The following HTN3 variants were observed in gnomAD, a reference collection of about 807,000 sequenced individuals.
The protein encoded by HTN3 is histatin 3.
HTN3 carries 15 observed loss-of-function variants against 10.6 expected under a neutral mutation model. That is an observed-to-expected ratio of 1.42 (90% confidence interval 0.95 to 2.18). The LOEUF (loss-of-function observed/expected upper bound fraction) is 2.18. HTN3 is among the 30% of genes most tolerant of loss of function. The pLI, the probability that HTN3 is intolerant of heterozygous loss-of-function variation, is 0.00. For synonymous variants in HTN3, 15 were observed against 16.9 expected, an observed-to-expected ratio of 0.89 and a Z score of 0.27; for missense variants, 68 against 58.0, an observed-to-expected ratio of 1.17 and a Z score of -0.56.
chr4:70,034,964 C>T (rs1725478727), intron 5 of HTN3, among the ~76,000 whole-genome samples: 1 of 152,122 alleles, frequency 6.6e-6, no homozygotes, highest in African/African-American at 2.4e-5. Context: ...AACCAAACAG[C>T]ACATGCTTCA....
chr4:70,031,947 T>G (rs753481341), intron 2 of HTN3, 32 bp from the exon 3 acceptor site: 1 of 1,417,288 alleles, frequency 7.1e-7, no homozygotes, highest in Non-Finnish European at 9.9e-7. Context: ...AATTAAGATA[T>G]TAATTATTTT....
At chr4:70,035,457 A>C (rs1489272330) in intron 5 of HTN3, among the ~76,000 whole-genome samples, 3 of 152,170 alleles carry the variant, frequency 2.0e-5, no homozygotes, top group African/African-American at 7.2e-5. Flanking sequence ...TCTGCCACTA[A>C]ATCTGTACCT....
intron 5 of HTN3, among the ~76,000 whole-genome samples, chr4:70,034,639 A>G (rs1186796098): frequency 6.6e-6 from 1 of 151,866 alleles, no homozygotes; most frequent in South Asian, 2.1e-4. Flanking sequence ...GTGGAAAACT[A>G]TGGATTCCTC....
At chr4:70,034,606 G>C (rs1211287903) in intron 5 of HTN3, among the ~76,000 whole-genome samples, 1 of 152,196 alleles carries the variant, frequency 6.6e-6, no homozygotes, top group African/African-American at 2.4e-5. Context: ...CTGGTGGTGA[G>C]AATGCACATT....
At chr4:70,029,083 A>G (rs1167342692) in intron 1 of HTN3, among the ~76,000 whole-genome samples, 1 of 152,030 alleles carries the variant, frequency 6.6e-6, no homozygotes, top group Non-Finnish European at 1.5e-5. Flanking sequence ...CAGAAAAGAC[A>G]GTTTATTATT....
intron 5 of HTN3, chr4:70,033,481 G>T (rs1476065869): frequency 8.7e-6 from 3 of 344,750 alleles, no homozygotes; most frequent in Non-Finnish European, 1.6e-5. Context: ...TGTCTGTTTT[G>T]GTACCGGTAC....
intron 5 of HTN3, chr4:70,034,370 A>T (rs896745235): frequency 2.0e-5 from 3 of 152,180 alleles, no homozygotes; most frequent in African/African-American, 7.2e-5. Flanking sequence ...AGACAAAAAC[A>T]AAAAACCCGT....
chr4:70,035,738 T>C (rs573590810), intron 5 of HTN3, among the ~76,000 whole-genome samples: 17 of 152,168 alleles, frequency 1.1e-4, no homozygotes, highest in Non-Finnish European at 2.5e-4. Context: ...AATATTATAC[T>C]TCAAAATAAA....
At chr4:70,034,116 C>T (rs760118408) in intron 5 of HTN3, 4 of 151,852 alleles carry the variant, frequency 2.6e-5, no homozygotes, top group African/African-American at 4.8e-5. Flanking sequence ...AGAAGAAAAC[C>T]TAGGTGATAT....
At chr4:70,034,335 T>A (rs1725457371) in intron 5 of HTN3, 2 of 152,134 alleles carry the variant, frequency 1.3e-5, no homozygotes, top group African/African-American at 4.8e-5. Flanking sequence ...GTCCAGAGTC[T>A]ACAAGGAACT....
chr4:70,033,919 G>A (rs1189625687), intron 5 of HTN3: 1 of 151,916 alleles, frequency 6.6e-6, no homozygotes, highest in African/African-American at 2.4e-5. Context: ...CTTGCTATCT[G>A]ATCTACGACA....
chr4:70,030,609 C>A (rs1725360992), intron 1 of HTN3, 119 bp from the exon 2 acceptor site: 8 of 737,738 alleles, frequency 1.1e-5, no homozygotes, highest in Non-Finnish European at 1.9e-5. Flanking sequence ...CCCCTGCACT[C>A]CAGCCTGGAA....
At chr4:70,033,067 C>T (rs745792817) in intron 4 of HTN3, 100 bp from the exon 5 acceptor site, 13 of 805,808 alleles carry the variant, frequency 1.6e-5, no homozygotes, top group Admixed American at 4.8e-5. Flanking sequence ...GTCATAACAA[C>T]TTTAACAATC....
Position 70,033,237 on chromosome 4 carries a change from G to T in HTN3, c.*17G>T, listed in dbSNP as rs778068627. The T allele has an allele frequency of 4.0e-6, 6 of 1,485,222 alleles. No homozygotes were observed. The highest frequency in any genetic ancestry group is 5.6e-6 in the Non-Finnish European group (6 of 1,070,306). 92.0% of individuals were successfully genotyped at this position (1,485,222 alleles called of 1,614,324 possible). A position where few individuals can be genotyped will look rare whatever the true frequency, so the allele number is the denominator to read the frequency against. On this transcript the variant is annotated 3_prime_UTR_variant, in exon 5 of 6. Transcript: ENST00000673563. ...GACAATTGATATCTTCAGTAATCAC[G>T]GGGCATGATTATGGAGGTAAGCTGA...
chr4:70,033,455 G>A (rs1725436434), intron 5 of HTN3: 3 of 415,440 alleles, frequency 7.2e-6, no homozygotes, highest in Admixed American at 9.0e-5. Flanking sequence ...TCTCTGTTCT[G>A]TTCCATTGGT....
chr4:70,034,949 C>G (rs769001062), intron 5 of HTN3, among the ~76,000 whole-genome samples: 2 of 152,064 alleles, frequency 1.3e-5, no homozygotes, highest in Non-Finnish European at 1.5e-5. Context: ...AAAACAGGAA[C>G]AGAAAACCAA....
chr4:70,033,302 G>T (rs1725432876), intron 5 of HTN3, 49 bp downstream of exon 5: 2 of 839,362 alleles, frequency 2.4e-6, no homozygotes, highest in Non-Finnish European at 3.8e-6. Flanking sequence ...AACACTGACA[G>T]TTAAAACAAG....
chr4:70,033,814 G>A (rs1212774932), intron 5 of HTN3: 1 of 152,058 alleles, frequency 6.6e-6, no homozygotes, highest in Non-Finnish European at 1.5e-5. Context: ...TCTCCTTGAA[G>A]AGGTCCTTCA....
intron 4 of HTN3, 21 bp downstream of exon 4, chr4:70,032,128 G>T: frequency 6.9e-7 from 1 of 1,452,472 alleles, no homozygotes. Context: ...TTCTGATAAT[G>T]TGCACTCTGA....
Sources: gnomAD v4.1 joint callset for allele counts (sites outside exome capture counted in the v4.1 genomes callset) on GRCh38, gnomAD v4.1.1 for gene constraint, MANE v1.5 for transcripts, NCBI Gene and HGNC (gene_info 2026-07-23, HGNC 2026-07-21) for gene names.